Variants in SLC35F4 observed in about 807,000 individuals in gnomAD.
SLC35F4 encodes the protein solute carrier family 35 member F4.
A neutral mutation model predicts 44.2 loss-of-function variants in SLC35F4; 24 were observed. The observed-to-expected ratio is 0.54, with a 90% CI of 0.39 to 0.76. The LOEUF is 0.76. Among genes scored for constraint, SLC35F4 ranks in the 30% least tolerant of loss-of-function variants. The pLI, the probability that SLC35F4 is intolerant of heterozygous loss-of-function variation, is 0.00. For missense variants in SLC35F4, 562 were observed against 586.1 expected (o/e 0.96, Z 0.42); for synonymous variants, 238 against 223.6 (o/e 1.06, Z -0.57).
At chr14:57,750,216 A>G (rs906279415) in intron 1 of SLC35F4, among the ~76,000 whole-genome samples, 1 of 152,100 alleles carries the variant, frequency 6.6e-6, no homozygotes, top group Non-Finnish European at 1.5e-5. Flanking sequence ...AAATGACAGG[A>G]TTTCATTCTT....
At chr14:57,711,347 T>C (rs961731193) in intron 1 of SLC35F4, among the ~76,000 whole-genome samples, 4 of 152,164 alleles carry the variant, frequency 2.6e-5, no homozygotes, top group African/African-American at 9.7e-5. Flanking sequence ...CTTTCCTTTA[T>C]AAATTACCTA....
intron 1 of SLC35F4, among the ~76,000 whole-genome samples, chr14:57,631,598 T>C (rs2072777553): frequency 6.6e-6 from 1 of 152,052 alleles, no homozygotes; most frequent in African/African-American, 2.4e-5. Flanking sequence ...CCTCAGTTTA[T>C]TTAATATGAG....
chr14:57,604,836 G>A (rs2071053455), intron 1 of SLC35F4, among the ~76,000 whole-genome samples: 1 of 152,074 alleles, frequency 6.6e-6, no homozygotes, highest in Admixed American at 6.5e-5. Context: ...TCACAAAATT[G>A]ACAAAAATAA....
chr14:57,936,394 G>A (rs769545753), intron 1 of SLC35F4, among the ~76,000 whole-genome samples: 1 of 151,804 alleles, frequency 6.6e-6, no homozygotes, highest in South Asian at 2.1e-4. Flanking sequence ...TGACTTTTGT[G>A]TCCCAGAAAA....
At chr14:57,925,063 C>G (rs1053695816) in intron 1 of SLC35F4, among the ~76,000 whole-genome samples, 1 of 151,964 alleles carries the variant, frequency 6.6e-6, no homozygotes, top group Admixed American at 6.6e-5. Flanking sequence ...CCACGAGGCT[C>G]TTTTTAACAA....
chr14:57,639,323 T>C (rs2073133931), intron 1 of SLC35F4, among the ~76,000 whole-genome samples: 1 of 152,104 alleles, frequency 6.6e-6, no homozygotes, highest in African/African-American at 2.4e-5. Context: ...CCTTCTTTTG[T>C]GAAACCATTT....
chr14:57,826,184 G>C (rs1883744503), intron 1 of SLC35F4, among the ~76,000 whole-genome samples: 3 of 152,038 alleles, frequency 2.0e-5, no homozygotes, highest in Admixed American at 2.0e-4. Context: ...CAATAGAACA[G>C]AATAGAGAAC....
At chr14:57,673,064 A>T (rs1459744286) in intron 1 of SLC35F4, among the ~76,000 whole-genome samples, 3 of 152,152 alleles carry the variant, frequency 2.0e-5, no homozygotes, top group African/African-American at 7.2e-5. Context: ...TTATTGCATG[A>T]ATCTTGTAAG....
intron 1 of SLC35F4, among the ~76,000 whole-genome samples, chr14:57,980,091 C>T (rs963364916): frequency 1.3e-4 from 20 of 152,198 alleles, no homozygotes; most frequent in African/African-American, 4.8e-4. Context: ...TCAGACTCTG[C>T]TTAGACTAGA....
intron 1 of SLC35F4, among the ~76,000 whole-genome samples, chr14:57,663,099 C>T (rs1416733762): frequency 6.6e-6 from 1 of 152,162 alleles, no homozygotes; most frequent in Non-Finnish European, 1.5e-5. Context: ...TGCCTTAGCC[C>T]TGACCAAATC....
At chr14:57,730,484 G>A (rs1435081748) in intron 1 of SLC35F4, among the ~76,000 whole-genome samples, 2 of 151,900 alleles carry the variant, frequency 1.3e-5, no homozygotes, top group Non-Finnish European at 2.9e-5. Context: ...CTCACTGGCT[G>A]TCTACTATGT....
intron 4 of SLC35F4, 83 bp downstream of exon 4, chr14:57,581,131 C>A (rs923182043): frequency 1.5e-6 from 2 of 1,362,288 alleles, no homozygotes; most frequent in African/African-American, 1.5e-5. Flanking sequence ...AGCAACTCCA[C>A]GAAACAAAGC....
intron 1 of SLC35F4, among the ~76,000 whole-genome samples, chr14:57,941,007 T>A (rs1474908987): frequency 6.6e-6 from 1 of 152,230 alleles, no homozygotes. Context: ...CCTATTAGGA[T>A]GGCTGTAATC....
intron 1 of SLC35F4, among the ~76,000 whole-genome samples, chr14:57,824,144 T>C (rs1452739985): frequency 1.3e-5 from 2 of 152,144 alleles, no homozygotes; most frequent in African/African-American, 4.8e-5. Context: ...AATCCGTTGA[T>C]CAACAAAACA....
chr14:57,657,320 T>C (rs984746831), intron 1 of SLC35F4, among the ~76,000 whole-genome samples: 1 of 152,232 alleles, frequency 6.6e-6, no homozygotes, highest in Non-Finnish European at 1.5e-5. Flanking sequence ...TAGAATGTGT[T>C]GAACATAACT....
At chr14:57,713,861 ATGT>A (rs1398683940) in intron 1 of SLC35F4, among the ~76,000 whole-genome samples, 1 of 152,198 alleles carries the variant, frequency 6.6e-6, no homozygotes, top group Non-Finnish European at 1.5e-5. Context: ...AAATCACAAA[ATGT>A]TGTCCAATCT....
intron 1 of SLC35F4, among the ~76,000 whole-genome samples, chr14:57,617,320 C>T (rs537731887): frequency 3.6e-4 from 54 of 151,614 alleles, no homozygotes; most frequent in African/African-American, 1.2e-3. Flanking sequence ...TTAGTGGAGA[C>T]GGGGTTTCAC....
intron 1 of SLC35F4, among the ~76,000 whole-genome samples, chr14:57,599,356 T>A (rs1470720531): frequency 1.3e-5 from 2 of 152,318 alleles, no homozygotes; most frequent in Non-Finnish European, 2.9e-5. Flanking sequence ...TTAGTGCCAA[T>A]ATCAGACCCA....
chr14:57,861,880 C>CCTCTT (rs1366339907), intron 1 of SLC35F4, among the ~76,000 whole-genome samples: 1 of 152,046 alleles, frequency 6.6e-6, no homozygotes, highest in East Asian at 1.9e-4. Flanking sequence ...AATTCTTCTG[C>CCTCTT]CTCTTCTCTT....
Sources: gnomAD v4.1 joint callset for allele counts (sites outside exome capture counted in the v4.1 genomes callset) on GRCh38, gnomAD v4.1.1 for gene constraint, MANE v1.5 for transcripts, NCBI Gene and HGNC (gene_info 2026-07-23, HGNC 2026-07-21) for gene names.